Variants in CACNA1C observed in about 807,000 individuals in gnomAD.
The protein encoded by CACNA1C is calcium voltage-gated channel subunit alpha1 C.
A neutral mutation model predicts 229.0 loss-of-function variants in CACNA1C; 30 were observed. That is an observed-to-expected ratio of 0.13 (90% CI 0.10 to 0.18). The LOEUF is 0.18. Among genes scored for constraint, CACNA1C ranks in the 10% least tolerant of loss-of-function variants. The probability of loss-of-function intolerance (pLI) is 1.00; values close to 1 mark genes in which losing one functional copy is unlikely to be tolerated. For missense variants in CACNA1C, 1,658 were observed against 2,845.0 expected (o/e 0.58, Z 9.49); for synonymous variants, 1,114 against 1,132.5 (o/e 0.98, Z 0.33).
chr12:2,670,466 C>T (rs561606978), intron 38 of CACNA1C, among the ~76,000 whole-genome samples: 5 of 152,150 alleles, frequency 3.3e-5, no homozygotes, highest in East Asian at 1.9e-4. Context: ...GCCTTCTCTC[C>T]GTTAGATCCT....
rs866389457 is a variant in CACNA1C at position 2,277,368 on chromosome 12, C to G, written c.477+156938C>G. The stretch of plus-strand genomic sequence containing the variant: ...ACAGACAGACAGACAGACAGACACA[C>G]ACACACACACACACACACACACACA... On this transcript the variant is annotated intron_variant, in intron 3 of 46. Transcript: ENST00000399655. Among the ~76,000 whole-genome samples, 74 of 22,816 alleles carry G rather than the reference C, an allele frequency of 3.2e-3. 1 individual carries two copies. Among genetic ancestry groups the G allele is most frequent in the Middle Eastern group, 0.071 (2 of 28 alleles). 15.0% of individuals were successfully genotyped at this position (22,816 alleles called of 152,430 possible). A position where few individuals can be genotyped will look rare whatever the true frequency, so the allele number is the denominator to read the frequency against.
rs749158738 is a variant in CACNA1C at position 2,108,723 on chromosome 12, C to G, written c.50-6501C>G. 6.6e-6 allele frequency among the ~76,000 whole-genome samples: 1 copy of G among 152,192 alleles called. No individual in the cohort carries two copies. The highest frequency in any genetic ancestry group is 6.5e-5 in the Admixed American group (1 of 15,290). On this transcript the variant is annotated intron_variant, in intron 1 of 46. Coordinates refer to ENST00000399655, the MANE Select transcript of CACNA1C (RefSeq NM_000719.7). The surrounding 1 kb of genome is among the most constrained non-coding windows in gnomAD (Gnocchi z 5.3). ...CACTGGGGTTGAGATGACAGGGCCT[C>G]GGGTTATCGTCTGAGATCGAGAGAC... is the stretch of plus-strand genomic sequence containing the variant.
rs201090446 is a variant in CACNA1C at position 2,691,054 on chromosome 12, A to G, written c.6272A>G (p.Asn2091Ser). The G allele has an allele frequency of 7.6e-4, 1,221 of 1,607,328 alleles. 2 individuals are homozygous for G. The highest frequency in any genetic ancestry group is 9.9e-4 in the Middle Eastern group (6 of 6,046). ...AGCGGGGGCGCCCCACAGAGCCCCA[A>G]TGGCGCCCTCTTACCCTTTGTGAAC... ...ILSGGAPQSP[N>S]GALLPFVNCR... The change falls in exon 47 of 47, where the codon AAT (asparagine) becomes AGT (serine). Residue 2091 changes from asparagine to serine, a missense_variant. Physicochemically the swap from Asn to Ser is conservative, Grantham distance 46. This residue lies in a region of CACNA1C where 590 missense variants were observed against 700.8 expected (regional missense o/e 0.84). Coordinates refer to ENST00000399655, the MANE Select transcript of CACNA1C (RefSeq NM_000719.7).
At chr12:2,622,794 C>CT (rs2084030089) in intron 29 of CACNA1C, among the ~76,000 whole-genome samples, 2 of 152,174 alleles carry the variant, frequency 1.3e-5, no homozygotes, top group Admixed American at 1.3e-4. Flanking sequence ...CACCACCCAC[C>CT]ACCTCACCTG....
At chr12:2,160,881 G>T (rs1017840986) in intron 3 of CACNA1C, among the ~76,000 whole-genome samples, 11 of 152,196 alleles carry the variant, frequency 7.2e-5, no homozygotes, top group African/African-American at 2.4e-4. Context: ...GAGTGCAGTG[G>T]CTTGATCTTG....
chr12:2,311,144 G>T (rs141113014), intron 3 of CACNA1C, among the ~76,000 whole-genome samples: 9 of 152,134 alleles, frequency 5.9e-5, no homozygotes, highest in Non-Finnish European at 1.2e-4. Context: ...AGTAGTTTTG[G>T]GGGAAGCCAG....
At chr12:2,174,133 CAT>C (rs2096575379) in intron 3 of CACNA1C, among the ~76,000 whole-genome samples, 1 of 151,946 alleles carries the variant, frequency 6.6e-6, no homozygotes, top group Non-Finnish European at 1.5e-5. Context: ...ACGAGAGGGA[CAT>C]GTGTGGCTTT....
chr12:2,404,992 T>C (rs1337796564), intron 3 of CACNA1C, among the ~76,000 whole-genome samples: 1 of 152,324 alleles, frequency 6.6e-6, no homozygotes, highest in East Asian at 1.9e-4. Flanking sequence ...AAGGAACTTA[T>C]TCTGTTAAGG....
rs141277702 is a variant in CACNA1C, at chr12:2,102,915, C to T, written c.50-12309C>T. Reference sequence around the variant, plus strand: ...CATGTCCCTGCAAAGGACATGAACTCATCCTTTTTTATGGCTGCATAGTAT... The same window carrying T: ...CATGTCCCTGCAAAGGACATGAACTTATCCTTTTTTATGGCTGCATAGTAT... On this transcript the variant is annotated intron_variant, in intron 1 of 46. Transcript: ENST00000399655. Among the ~76,000 whole-genome samples, 1,303 of 152,314 alleles carry T rather than the reference C, an allele frequency of 8.6e-3. 20 individuals carry two copies. The highest frequency in any genetic ancestry group is 0.03 in the African/African-American group (1,233 of 41,566).
In CACNA1C at chr12:2,067,006, C is replaced by T. The variant is rs1378260232; in HGVS notation, c.49+13395C>T. ...CACCCAAAGAAATCCACAAGGGTGCCCAGGTCCCAGAGGCACCGGCCGAGG... is the reference window on the plus strand; with the variant it reads ...CACCCAAAGAAATCCACAAGGGTGCTCAGGTCCCAGAGGCACCGGCCGAGG... On this transcript the variant is annotated intron_variant, in intron 1 of 46. Coordinates refer to ENST00000399655, the MANE Select transcript of CACNA1C (RefSeq NM_000719.7). The surrounding 1 kb of genome is among the most constrained non-coding windows in gnomAD (Gnocchi z 5.3). Among the ~76,000 whole-genome samples the T allele has an allele frequency of 2.0e-5, 3 of 152,044 alleles. No individual in the cohort carries two copies. The highest frequency in any genetic ancestry group is 6.6e-5 in the Admixed American group (1 of 15,258).
chr12:2,490,396 T>TC (rs1444435606), intron 6 of CACNA1C, among the ~76,000 whole-genome samples: 1 of 152,256 alleles, frequency 6.6e-6, no homozygotes, highest in Admixed American at 6.5e-5. Flanking sequence ...AAGATTAACT[T>TC]CATCTTTATT....
At chr12:2,584,382 C>A (rs2061652243) in intron 15 of CACNA1C, 121 bp from the exon 16 acceptor site, 1 of 668,436 alleles carries the variant, frequency 1.5e-6, no homozygotes. Flanking sequence ...CCTCAAATTG[C>A]TTCCCCCTCA....
At chr12:2,674,051 G>T (rs2096675884) in intron 38 of CACNA1C, among the ~76,000 whole-genome samples, 2 of 152,258 alleles carry the variant, frequency 1.3e-5, no homozygotes, top group African/African-American at 4.8e-5. Flanking sequence ...TCGGGACAGA[G>T]CCCTCATCGA....
chr12:2,485,386 C>G (rs887000), intron 5 of CACNA1C, among the ~76,000 whole-genome samples: 98,689 of 151,924 alleles, frequency 0.65, 33,096 homozygotes, highest in East Asian at 0.88. Flanking sequence ...TAAATGAATG[C>G]CATCCCCAGT....
In CACNA1C at chr12:2,479,841, C is replaced by T. The variant is rs1324232265; in HGVS notation, c.758-6263C>T. Among the ~76,000 whole-genome samples, 1 of 152,170 alleles carries T rather than the reference C, an allele frequency of 6.6e-6. No individual in the cohort carries two copies. The highest frequency in any genetic ancestry group is 1.5e-5 in the Non-Finnish European group (1 of 68,034). On this transcript the variant is annotated intron_variant, in intron 5 of 46. Coordinates refer to ENST00000399655, the MANE Select transcript of CACNA1C (RefSeq NM_000719.7). The surrounding 1 kb of genome is among the most constrained non-coding windows in gnomAD (Gnocchi z 4.3). ...TTGAGGTTGACTCGCCATTTCTTTT[C>T]ATCCAGGCTTTCCGTATTGGCAGAA... is the stretch of plus-strand genomic sequence containing the variant.
intron 3 of CACNA1C, among the ~76,000 whole-genome samples, chr12:2,370,861 A>G (rs1411113271): frequency 1.3e-5 from 2 of 152,168 alleles, no homozygotes; most frequent in African/African-American, 4.8e-5. Context: ...CCTTGGTGGC[A>G]GTCTGCGGTG....
rs1407360130 is a variant in CACNA1C at position 2,354,122 on chromosome 12, T to C, written c.478-94854T>C. On this transcript the variant is annotated intron_variant, in intron 3 of 46. Coordinates refer to ENST00000399655, the MANE Select transcript of CACNA1C (RefSeq NM_000719.7). The surrounding 1 kb of genome is among the most constrained non-coding windows in gnomAD (Gnocchi z 4.6). ...CTCTGAAATGCTGATGGGGATGGAG[T>C]GGGGGCTGTCGGGAAGGACTGGATG... Among the ~76,000 whole-genome samples the C allele has an allele frequency of 1.3e-5, 2 of 151,664 alleles. No individual in the cohort carries two copies. Among genetic ancestry groups the C allele is most frequent in the African/African-American group, 4.8e-5 (2 of 41,274 alleles).
intron 1 of CACNA1C, among the ~76,000 whole-genome samples, chr12:1,978,753 CAACTTCATATA>C (rs2035188430): frequency 6.6e-6 from 1 of 152,174 alleles, no homozygotes; most frequent in East Asian, 1.9e-4. Context: ...GCCTGTTCTT[CAACTTCATATA>C]AACTTCATAT....
intron 1 of CACNA1C, among the ~76,000 whole-genome samples, chr12:2,003,673 G>GTGTGC (rs2042699191): frequency 6.6e-6 from 1 of 152,168 alleles, no homozygotes; most frequent in South Asian, 2.1e-4. Flanking sequence ...ATCGAACTTG[G>GTGTGC]TGTGCTGCCG....
Sources: allele counts gnomAD v4.1 joint callset (sites outside exome capture counted in the v4.1 genomes callset), GRCh38; gene constraint gnomAD v4.1.1; regional missense constraint gnomAD v4.1.1; non-coding constraint Gnocchi (gnomAD v3.1); transcripts MANE v1.5; gene names NCBI Gene and HGNC (gene_info 2026-07-23, HGNC 2026-07-21).